STX18: variants seen among roughly 807,000 people sequenced by gnomAD.
The protein encoded by STX18 is syntaxin-18.
Under a neutral mutation model 50.1 loss-of-function variants are expected in STX18, and 40 were observed. The observed-to-expected ratio is 0.80, with a 90% CI of 0.62 to 1.04. The LOEUF is 1.04. Among genes scored for constraint, STX18 ranks in the 50% least tolerant of loss-of-function variants. The pLI, the probability that STX18 is intolerant of heterozygous loss-of-function variation, is 0.00. For synonymous variants in STX18, 158 were observed against 151.8 expected (o/e 1.04, Z -0.30); for missense variants, 410 against 415.8 (o/e 0.99, Z 0.12).
chr4:4,437,225 G>A (rs544541173), intron 6 of STX18, among the ~76,000 whole-genome samples: 1 of 152,174 alleles, frequency 6.6e-6, no homozygotes, highest in African/African-American at 2.4e-5. Context: ...CAAAGTGCTG[G>A]GATTACAGGT....
chr4:4,462,277 A>T (rs1204454099), intron 2 of STX18, among the ~76,000 whole-genome samples: 2 of 152,210 alleles, frequency 1.3e-5, no homozygotes, highest in East Asian at 3.8e-4. Context: ...TGGGGTTCCA[A>T]TTCAATTATC....
At chr4:4,482,243 A>AG (rs1389147920) in intron 1 of STX18, among the ~76,000 whole-genome samples, 1 of 152,092 alleles carries the variant, frequency 6.6e-6, no homozygotes, top group Non-Finnish European at 1.5e-5. Context: ...TCCAATCCAT[A>AG]GCTTTATTTA....
At chr4:4,460,475 C>T (rs1046403444) in intron 2 of STX18, among the ~76,000 whole-genome samples, 1 of 152,024 alleles carries the variant, frequency 6.6e-6, no homozygotes, top group African/African-American at 2.4e-5. Context: ...GGGAATACAT[C>T]CATCCTGAGG....
intron 1 of STX18, among the ~76,000 whole-genome samples, chr4:4,479,830 A>T (rs112236582): frequency 6.6e-6 from 1 of 152,358 alleles, no homozygotes; most frequent in East Asian, 1.9e-4. Flanking sequence ...TCTTATACAC[A>T]TAAAGGTTTT....
At position 4,490,555 on chromosome 4, in the gene STX18, C is replaced by T. The variant is rs16835773; in HGVS notation, c.169-18849G>A. Reference sequence around the variant, plus strand: ...CCAAAAGGTTCTCTACAGATGCTTACTTCGTAAAATGCAGCTTAAAATTTA... The same window carrying T: ...CCAAAAGGTTCTCTACAGATGCTTATTTCGTAAAATGCAGCTTAAAATTTA... On this transcript the variant is annotated intron_variant, in intron 1 of 10. Transcript: ENST00000306200. 3.1e-3 allele frequency among the ~76,000 whole-genome samples: 471 copies of T among 152,224 alleles called. 3 individuals are homozygous for T. The highest frequency in any genetic ancestry group is 9.8e-3 in the African/African-American group (408 of 41,550).
chr4:4,464,404 C>G (rs1456458649), intron 2 of STX18, among the ~76,000 whole-genome samples: 2 of 152,266 alleles, frequency 1.3e-5, no homozygotes, highest in Admixed American at 1.3e-4. Context: ...TTCATCTGCT[C>G]GATAAATATT....
At chr4:4,435,736 G>C (rs932770861) in intron 6 of STX18, among the ~76,000 whole-genome samples, 1 of 152,200 alleles carries the variant, frequency 6.6e-6, no homozygotes, top group Admixed American at 6.5e-5. Flanking sequence ...ACCTGGGCAT[G>C]CAACTGCTGA....
At chr4:4,529,156 G>C (rs1730958622) in intron 1 of STX18, among the ~76,000 whole-genome samples, 1 of 152,168 alleles carries the variant, frequency 6.6e-6, no homozygotes, top group African/African-American at 2.4e-5. Flanking sequence ...GAGGTCAGGA[G>C]ATCGAGACTA....
intron 7 of STX18, among the ~76,000 whole-genome samples, chr4:4,429,909 C>T (rs1318877991): frequency 6.6e-6 from 1 of 152,178 alleles, no homozygotes; most frequent in African/African-American, 2.4e-5. Context: ...ATTTAAGAAA[C>T]AGAAGCCACA....
intron 1 of STX18, among the ~76,000 whole-genome samples, chr4:4,530,296 G>A (rs1158988146): frequency 1.3e-5 from 2 of 151,840 alleles, no homozygotes; most frequent in African/African-American, 4.8e-5. Flanking sequence ...CATGCCTAGA[G>A]TTTTTTGGGT....
chr4:4,448,444 C>G (rs1255702182), intron 5 of STX18, among the ~76,000 whole-genome samples: 2 of 152,020 alleles, frequency 1.3e-5, no homozygotes, highest in Admixed American at 1.3e-4. Flanking sequence ...CAGGCTCAAA[C>G]GATTCTTGTG....
At chr4:4,449,215 T>A (rs1311952263) in intron 5 of STX18, among the ~76,000 whole-genome samples, 6 of 151,912 alleles carry the variant, frequency 3.9e-5, no homozygotes, top group Non-Finnish European at 5.9e-5. Context: ...CCCAGCTAAT[T>A]TTTAAATTTT....
intron 6 of STX18, among the ~76,000 whole-genome samples, chr4:4,436,153 G>C (rs1725763995): frequency 6.6e-6 from 1 of 152,220 alleles, no homozygotes; most frequent in African/African-American, 2.4e-5. Flanking sequence ...CAACAATGTA[G>C]AGAAAGCTCA....
chr4:4,534,354 T>G (rs1252066961), intron 1 of STX18, among the ~76,000 whole-genome samples: 1 of 152,200 alleles, frequency 6.6e-6, no homozygotes, highest in Non-Finnish European at 1.5e-5. Context: ...CCCTGAAAAC[T>G]CTGTTATTGT....
At chr4:4,521,457 T>G (rs1293837936) in intron 1 of STX18, among the ~76,000 whole-genome samples, 1 of 152,096 alleles carries the variant, frequency 6.6e-6, no homozygotes, top group Non-Finnish European at 1.5e-5. Context: ...TCTCCAAGTA[T>G]GCATCATGAA....
At chr4:4,435,849 A>C (rs995519670) in intron 6 of STX18, among the ~76,000 whole-genome samples, 1 of 152,200 alleles carries the variant, frequency 6.6e-6, no homozygotes, top group Non-Finnish European at 1.5e-5. Flanking sequence ...GGCCCCTAGA[A>C]AGGACTGCTG....
chr4:4,522,388 A>G (rs1193315697), intron 1 of STX18, among the ~76,000 whole-genome samples: 1 of 152,228 alleles, frequency 6.6e-6, no homozygotes, highest in Non-Finnish European at 1.5e-5. Flanking sequence ...ATCAGATTTA[A>G]GCTTCGTGCC....
rs537780867 is a variant in STX18 at position 4,507,544 on chromosome 4, A to T, written c.168+34253T>A. The T allele has an allele frequency of 2.5e-5, 19 of 771,106 alleles. No individual in the cohort carries two copies. In the African/African-American group the frequency reaches 2.9e-4, roughly 12 times the overall value. The allele number at this position is 771,106 out of a possible 1,614,324, so 47.8% of individuals were successfully genotyped here. Reference sequence around the variant, plus strand: ...AAAAAGCCGCACAAAAAATAAGCAAAAGCGTCCCAGGAGTGCACTCTGACA... The same window carrying T: ...AAAAAGCCGCACAAAAAATAAGCAATAGCGTCCCAGGAGTGCACTCTGACA... On this transcript the variant is annotated intron_variant, in intron 1 of 10. Coordinates refer to ENST00000306200, the MANE Select transcript of STX18 (RefSeq NM_016930.4).
chr4:4,534,994 C>A (rs10222947), intron 1 of STX18, among the ~76,000 whole-genome samples: 6,282 of 152,292 alleles, frequency 0.041, 393 homozygotes, highest in African/African-American at 0.14. Flanking sequence ...CGGGCCTCCT[C>A]CAGAAAAGGG....
Sources: gnomAD v4.1 joint callset for allele counts (sites outside exome capture counted in the v4.1 genomes callset) on GRCh38, gnomAD v4.1.1 for gene constraint, MANE v1.5 for transcripts, NCBI Gene and HGNC (gene_info 2026-07-23, HGNC 2026-07-21) for gene names.